HECTD4: variants seen among roughly 807,000 people sequenced by gnomAD.
HECTD4 encodes HECT domain E3 ubiquitin protein ligase 4, also known as probable E3 ubiquitin-protein ligase HECTD4.
HECTD4 carries 114 observed loss-of-function variants against 471.5 expected under a neutral mutation model. That is an observed-to-expected ratio of 0.24 (90% confidence interval 0.21 to 0.28). The LOEUF (loss-of-function observed/expected upper bound fraction) is 0.28, where lower values mean the gene tolerates loss of function less well. Among genes scored for constraint, HECTD4 ranks in the 10% least tolerant of loss-of-function variants. The pLI, the probability that HECTD4 is intolerant of heterozygous loss-of-function variation, is 1.00. For synonymous variants in HECTD4, 2,012 were observed against 2,256.0 expected, an observed-to-expected ratio of 0.89 and a Z score of 3.07; for missense variants, 3,866 against 5,651.5, an observed-to-expected ratio of 0.68 and a Z score of 10.13.
At chr12:112,217,310 CACACACATACACACACACACACACAT>C in intron 45 of HECTD4, 115 bp from the exon 46 acceptor site, 1 of 553,094 alleles carries the variant, frequency 1.8e-6, no homozygotes, top group Non-Finnish European at 3.0e-6. Context: ...TACACACACA[CACACACATACACACACACACACACAT>C]ACACACACAC....
Position 112,212,591 on chromosome 12 carries a change from G to C in HECTD4, c.7525C>G (p.Pro2509Ala). Residue 2509 changes from proline (P) to alanine (A), a missense_variant, in exon 49 of 76, where the codon CCA (proline) becomes GCA (alanine). Physicochemically the swap from Pro to Ala is conservative, Grantham distance 27. This residue lies in a region of HECTD4 where 617 missense variants were observed against 915.1 expected (regional missense o/e 0.67). Transcript: ENST00000682272. ...TEGTPPPPGQ[P>A]AKGRVYFTYC... is the part of the protein sequence containing the mutation. ...GTGAAGTACACCCGGCCCTTGGCTG[G>C]CTGTCCCGGAGGAGGTGGAGTCCCC... is the stretch of plus-strand genomic sequence containing the variant. 6.2e-7 allele frequency: 1 copy of C among 1,613,804 alleles called. No homozygotes were observed. Among genetic ancestry groups the C allele is most frequent in the Non-Finnish European group, 8.5e-7 (1 of 1,179,832 alleles).
rs567774063 is a variant in HECTD4 at position 112,177,281 on chromosome 12, G to A, written c.11364-579C>T. ...TTGCTGGGTAATATTTTGCTATCAA[G>A]GTTTCATCTCTGTGTACTCGAGAGT... On this transcript the variant is annotated intron_variant, in intron 64 of 75. Transcript: ENST00000682272. Among the ~76,000 whole-genome samples the A allele has an allele frequency of 2.0e-5, 3 of 152,068 alleles. No individual in the cohort carries two copies. The South Asian group carries it at 6.2e-4, about 32-fold the overall frequency.
At chr12:112,207,780 A>G in intron 52 of HECTD4, 94 bp downstream of exon 52, 2 of 1,402,410 alleles carry the variant, frequency 1.4e-6, no homozygotes, top group South Asian at 1.3e-5. Context: ...GTGCAACATT[A>G]GATGAGTCTC....
chr12:112,351,973 T>C (rs952593300), intron 1 of HECTD4, among the ~76,000 whole-genome samples: 1 of 152,264 alleles, frequency 6.6e-6, no homozygotes, highest in African/African-American at 2.4e-5. Flanking sequence ...TTTGGTGTTT[T>C]CATTCAATTT....
At chr12:112,305,451 C>A (rs1566105971) in intron 7 of HECTD4, among the ~76,000 whole-genome samples, 1 of 152,190 alleles carries the variant, frequency 6.6e-6, no homozygotes, top group Non-Finnish European at 1.5e-5. Flanking sequence ...CCAGCCTCTT[C>A]ATCTGGTACA....
At chr12:112,200,613 A>G (rs771578036) in intron 55 of HECTD4, 25 bp downstream of exon 55, 1 of 1,598,710 alleles carries the variant, frequency 6.3e-7, no homozygotes, top group East Asian at 2.2e-5. Flanking sequence ...TCTGTGACCC[A>G]GTAGAAAGAA....
rs367880024 is a variant in HECTD4 at position 112,219,372 on chromosome 12, C to A, written c.7074+14G>T. ...GGAGGCTGCAGGAGGCGCGAAGCACCGCAGAGGGCTCACCTGTCTTCGGTC... is the reference window on the plus strand; with the variant it reads ...GGAGGCTGCAGGAGGCGCGAAGCACAGCAGAGGGCTCACCTGTCTTCGGTC... On this transcript the variant is annotated intron_variant, in intron 45 of 75. Transcript: ENST00000682272. The A allele has an allele frequency of 3.7e-6, 6 of 1,605,724 alleles. No individual in the cohort carries two copies. In the East Asian group the frequency reaches 1.3e-4, roughly 36 times the overall value.
At chr12:112,272,525 C>T (rs992009867) in intron 11 of HECTD4, among the ~76,000 whole-genome samples, 2 of 152,182 alleles carry the variant, frequency 1.3e-5, no homozygotes, top group African/African-American at 2.4e-5. Context: ...AAAGTTCACG[C>T]GGTTTTAAAC....
chr12:112,308,668 T>C (rs2035317105), intron 6 of HECTD4, 85 bp downstream of exon 6: 2 of 1,208,142 alleles, frequency 1.7e-6, no homozygotes, highest in African/African-American at 1.5e-5. Flanking sequence ...ATATATCAAC[T>C]GTATTATTAT....
rs114772167 is a variant in HECTD4, at chr12:112,164,031, G to T, written c.12701+78C>A. 8.0e-5 allele frequency: 107 copies of T among 1,338,964 alleles called. 1 individual carries two copies. In the African/African-American group the frequency reaches 1.4e-3, roughly 17 times the overall value. 82.9% of individuals were successfully genotyped at this position (1,338,964 alleles called of 1,614,324 possible). ...ACCTAGGTCCTCGTGTCATTGCCCA[G>T]GAACAGATGCTGCTGTCATACCCTG... On this transcript the variant is annotated intron_variant, in intron 73 of 75. Transcript: ENST00000682272.
In HECTD4 at chr12:112,243,849, C is replaced by T. The variant is rs754841839; in HGVS notation, c.4649+25G>A. On this transcript the variant is annotated intron_variant, in intron 30 of 75. Transcript: ENST00000682272. The surrounding 1 kb of genome is among the most constrained non-coding windows in gnomAD (Gnocchi z 6.6). ...AATGCATTCAGCTGCATGTGGGAAC[C>T]CAACCCCGGCCATTAGCCATTTACC... 6.2e-7 allele frequency: 1 copy of T among 1,612,562 alleles called. No individual in the cohort carries two copies. The highest frequency in any genetic ancestry group is 2.2e-5 in the East Asian group (1 of 44,858).
At position 112,319,229 on chromosome 12, in the gene HECTD4, C is replaced by T; in HGVS notation, c.691G>A (p.Ala231Thr). The change falls in exon 2 of 76, where the codon GCC (alanine) becomes ACC (threonine). Residue 231 changes from alanine (A) to threonine (T), a missense_variant. Transcript: ENST00000682272. The surrounding 1 kb of genome is among the most constrained non-coding windows in gnomAD (Gnocchi z 5.3). ...GATACATTCGATTTTCCTTACCTGG[C>T]ACAAGCCAAAGCCACCAGGGCAGCA... is the stretch of plus-strand genomic sequence containing the variant. ...AAAALVALAC[A>T]RGSLKTFVHT... is the part of the protein sequence containing the mutation. 1 of 1,536,048 alleles carries T rather than the reference C, an allele frequency of 6.5e-7. No homozygotes were observed. The highest frequency in any genetic ancestry group is 8.7e-7 in the Non-Finnish European group (1 of 1,146,840).
intron 34 of HECTD4, among the ~76,000 whole-genome samples, chr12:112,237,907 AC>A (rs1422416557): frequency 6.6e-6 from 1 of 151,960 alleles, no homozygotes; most frequent in Non-Finnish European, 1.5e-5. Context: ...GGTATGTGCC[AC>A]CATGCCCGGC....
intron 29 of HECTD4, among the ~76,000 whole-genome samples, chr12:112,245,470 G>C (rs946156404): frequency 4.6e-5 from 7 of 152,198 alleles, no homozygotes; most frequent in African/African-American, 1.7e-4. Context: ...AAGGGCTTAT[G>C]TGTATAGCAG....
At chr12:112,364,699 C>A (rs557558584) in intron 1 of HECTD4, among the ~76,000 whole-genome samples, 2 of 152,076 alleles carry the variant, frequency 1.3e-5, no homozygotes, top group Admixed American at 1.3e-4. Context: ...CCACTGCCCT[C>A]CAGCCATGGA....
At chr12:112,380,426 C>A (rs957970407) in intron 1 of HECTD4, among the ~76,000 whole-genome samples, 1 of 151,414 alleles carries the variant, frequency 6.6e-6, no homozygotes, top group Non-Finnish European at 1.5e-5. Flanking sequence ...GCCTGGGCGA[C>A]AGAGCAAGAC....
chr12:112,208,650 C>T lies in HECTD4; in HGVS notation c.7868-20G>A. ...CATATTCTGTAACAGAGCACAAGGACAGCGAATTCTAAACAAGAGCAGGCT... is the reference window on the plus strand; with the variant it reads ...CATATTCTGTAACAGAGCACAAGGATAGCGAATTCTAAACAAGAGCAGGCT... On this transcript the variant is annotated intron_variant, in intron 50 of 75. Transcript: ENST00000682272. The T allele has an allele frequency of 1.3e-6, 2 of 1,527,598 alleles. No individual in the cohort carries two copies. The allele number at this position is 1,527,598 out of a possible 1,614,324, so 94.6% of individuals were successfully genotyped here. A position where few individuals can be genotyped will look rare whatever the true frequency, so the allele number is the denominator to read the frequency against.
intron 24 of HECTD4, 135 bp from the exon 25 acceptor site, chr12:112,250,512 A>G: frequency 1.5e-6 from 1 of 659,998 alleles, no homozygotes; most frequent in Non-Finnish European, 2.6e-6. Flanking sequence ...AACCTTCTCC[A>G]GAAGCTAAAG....
Position 112,170,527 on chromosome 12 carries a change from C to T in HECTD4, c.11933-75G>A, listed in dbSNP as rs191477016. 212 of 1,557,940 alleles carry T rather than the reference C, an allele frequency of 1.4e-4. No homozygotes were observed. In the African/African-American group the frequency reaches 2.3e-3, roughly 17 times the overall value. On this transcript the variant is annotated intron_variant, in intron 68 of 75. Transcript: ENST00000682272. The stretch of plus-strand genomic sequence containing the variant: ...TCCCAGTCCCCCCAAGACTCTCTTC[C>T]GGTCCCTGGGTGTGGCACTCTCAGG...
Sources: allele counts gnomAD v4.1 joint callset (sites outside exome capture counted in the v4.1 genomes callset), GRCh38; gene constraint gnomAD v4.1.1; regional missense constraint gnomAD v4.1.1; non-coding constraint Gnocchi (gnomAD v3.1); transcripts MANE v1.5; gene names NCBI Gene and HGNC (gene_info 2026-07-23, HGNC 2026-07-21).